Variants in SIK3 observed in about 807,000 individuals in gnomAD.
SIK3 encodes SIK family kinase 3.
A neutral mutation model predicts 144.2 loss-of-function variants in SIK3; 28 were observed. That is an observed-to-expected ratio of 0.19 (90% confidence interval 0.14 to 0.27). SIK3 has a LOEUF of 0.27. Among genes scored for constraint, SIK3 ranks in the 10% least tolerant of loss-of-function variants. The pLI is 1.00. For missense variants in SIK3, 1,319 were observed against 1,776.0 expected, an observed-to-expected ratio of 0.74 and a Z score of 4.62; for synonymous variants, 686 against 676.3, an observed-to-expected ratio of 1.01 and a Z score of -0.22.
At chr11:116,910,329 A>C (rs1946273840) in intron 4 of SIK3, among the ~76,000 whole-genome samples, 1 of 152,186 alleles carries the variant, frequency 6.6e-6, no homozygotes, top group African/African-American at 2.4e-5. Flanking sequence ...AGAAAAAAAA[A>C]CCTAGATAAT....
At chr11:116,879,212 T>A (rs1436917448) in intron 6 of SIK3, among the ~76,000 whole-genome samples, 1 of 152,222 alleles carries the variant, frequency 6.6e-6, no homozygotes, top group Non-Finnish European at 1.5e-5. Flanking sequence ...TATAGGTTTT[T>A]AAATTTTCTG....
chr11:117,084,758 A>T (rs576701147), intron 1 of SIK3, among the ~76,000 whole-genome samples: 1 of 152,318 alleles, frequency 6.6e-6, no homozygotes, highest in Non-Finnish European at 1.5e-5. Context: ...TTAGACGTGA[A>T]TGAGATGAGT....
chr11:117,015,488 T>C (rs1314299492), intron 1 of SIK3, among the ~76,000 whole-genome samples: 1 of 152,134 alleles, frequency 6.6e-6, no homozygotes, highest in Non-Finnish European at 1.5e-5. Context: ...CTTGGCTCAC[T>C]GCAACCTCCA....
chr11:116,933,849 C>CTT (rs1947761746), intron 3 of SIK3, among the ~76,000 whole-genome samples: 1 of 152,166 alleles, frequency 6.6e-6, no homozygotes, highest in African/African-American at 2.4e-5. Context: ...AGCTCATGAC[C>CTT]TTTGACCTTA....
intron 1 of SIK3, among the ~76,000 whole-genome samples, chr11:117,009,156 C>A (rs1191469868): frequency 6.6e-6 from 1 of 151,450 alleles, no homozygotes; most frequent in African/African-American, 2.4e-5. Flanking sequence ...ATCACTTGAA[C>A]CCAGGAGGCA....
rs1401045995 is a variant in SIK3, at chr11:116,844,668, AC to A, written c.*974del. On this transcript the variant is annotated 3_prime_UTR_variant, in exon 25 of 25. Transcript: ENST00000445177. ...TATATTATATATATAATATATATAT[AC>A]ACATATATTATATTATATATATACA... 1 of 105,818 alleles carries A rather than the reference AC, an allele frequency of 9.5e-6. No individual in the cohort carries two copies. The highest frequency in any genetic ancestry group is 1.9e-5 in the Non-Finnish European group (1 of 53,814). The allele number at this position is 105,818 out of a possible 1,614,324, so 6.6% of individuals were successfully genotyped here.
intron 1 of SIK3, among the ~76,000 whole-genome samples, chr11:116,988,193 C>T (rs1950384072): frequency 6.6e-6 from 1 of 151,858 alleles, no homozygotes; most frequent in African/African-American, 2.4e-5. Flanking sequence ...TGAGACCATC[C>T]TGGCTAACAC....
At chr11:117,084,228 A>C (rs973837285) in intron 1 of SIK3, among the ~76,000 whole-genome samples, 1 of 152,062 alleles carries the variant, frequency 6.6e-6, no homozygotes, top group African/African-American at 2.4e-5. Context: ...TACTCTTATA[A>C]GCTTCTGCTG....
intron 1 of SIK3, among the ~76,000 whole-genome samples, chr11:117,039,899 G>A (rs1419477599): frequency 6.6e-6 from 1 of 152,118 alleles, no homozygotes; most frequent in Non-Finnish European, 1.5e-5. Flanking sequence ...TCCAAAGCCT[G>A]GACTCACCAC....
intron 1 of SIK3, among the ~76,000 whole-genome samples, chr11:116,980,482 T>C (rs1950099791): frequency 6.6e-6 from 1 of 152,238 alleles, no homozygotes; most frequent in African/African-American, 2.4e-5. Flanking sequence ...AATAAAGTGC[T>C]GAATATTTCA....
At chr11:116,865,607 G>A (rs1276318854) in intron 15 of SIK3, among the ~76,000 whole-genome samples, 1 of 152,080 alleles carries the variant, frequency 6.6e-6, no homozygotes, top group Non-Finnish European at 1.5e-5. Flanking sequence ...AAATTTTTTA[G>A]TTACACTTTT....
At chr11:116,975,162 G>A (rs1326295957) in intron 1 of SIK3, among the ~76,000 whole-genome samples, 1 of 150,772 alleles carries the variant, frequency 6.6e-6, no homozygotes, top group Non-Finnish European at 1.5e-5. Flanking sequence ...GAATTTCCCT[G>A]CTTTCTTTGT....
At chr11:117,040,063 A>C (rs943677637) in intron 1 of SIK3, among the ~76,000 whole-genome samples, 2 of 152,248 alleles carry the variant, frequency 1.3e-5, no homozygotes, top group African/African-American at 4.8e-5. Context: ...TTACATGGCT[A>C]GATAAATGAT....
At chr11:117,041,344 A>C (rs979919427) in intron 1 of SIK3, among the ~76,000 whole-genome samples, 5 of 152,184 alleles carry the variant, frequency 3.3e-5, no homozygotes, top group Non-Finnish European at 7.3e-5. Flanking sequence ...AATTTGAGAA[A>C]GGCTACATGC....
At chr11:116,935,209 C>T (rs1266514203) in intron 3 of SIK3, among the ~76,000 whole-genome samples, 1 of 152,062 alleles carries the variant, frequency 6.6e-6, no homozygotes, top group Non-Finnish European at 1.5e-5. Flanking sequence ...GAGCATGCCA[C>T]TGCACTCCAG....
chr11:117,098,397 TCGC>T lies in SIK3; in HGVS notation c.16_18del (p.Ala6del), dbSNP rs758486950. 8.4e-5 allele frequency: 97 copies of T among 1,148,042 alleles called. No homozygotes were observed. The highest frequency in any genetic ancestry group is 2.8e-4 in the South Asian group (7 of 24,716). The allele number at this position is 1,148,042 out of a possible 1,614,324, so 71.1% of individuals were successfully genotyped here. ...GCCCCGGCAGCCCCGCCAGCTCCGC[TCGC>T]CGCCGCCGCCGCCATCTTGTTGTGC... On this transcript the variant is annotated inframe_deletion, in exon 1 of 25. Transcript: ENST00000445177.
chr11:117,098,017 C>T, intron 1 of SIK3, 126 bp downstream of exon 1: 1 of 1,142,646 alleles, frequency 8.8e-7, no homozygotes, highest in African/African-American at 1.7e-5. Flanking sequence ...CTGGCTCCCT[C>T]CCGCCTCCCG....
chr11:116,951,195 G>C (rs1948917620), intron 3 of SIK3, among the ~76,000 whole-genome samples: 1 of 152,134 alleles, frequency 6.6e-6, no homozygotes, highest in Admixed American at 6.5e-5. Context: ...AGGTGACAGA[G>C]ATCTGATTCA....
chr11:116,914,001 G>A (rs1174199192), intron 4 of SIK3, among the ~76,000 whole-genome samples: 1 of 151,956 alleles, frequency 6.6e-6, no homozygotes, highest in African/African-American at 2.4e-5. Context: ...TACTTTTAGA[G>A]AAAAGAAGAT....
Sources: allele counts gnomAD v4.1 joint callset (sites outside exome capture counted in the v4.1 genomes callset), GRCh38; gene constraint gnomAD v4.1.1; transcripts MANE v1.5; gene names NCBI Gene and HGNC (gene_info 2026-07-23, HGNC 2026-07-21).